Variants in SCTR observed in about 807,000 individuals in gnomAD.
The protein encoded by SCTR is pancreatic secretin receptor.
In SCTR, 56 loss-of-function variants were observed where a neutral mutation model predicts 60.8. That is an observed-to-expected ratio of 0.92 (90% CI 0.74 to 1.15). The LOEUF (loss-of-function observed/expected upper bound fraction) is 1.15, where lower values mean the gene tolerates loss of function less well. Among genes scored for constraint, SCTR ranks in the 50% most tolerant of loss-of-function variants. SCTR has a pLI of 0.00. For missense variants in SCTR, 562 were observed against 550.4 expected (o/e 1.02, Z -0.21); for synonymous variants, 202 against 217.0 (o/e 0.93, Z 0.61).
intron 1 of SCTR, among the ~76,000 whole-genome samples, chr2:119,520,666 A>G (rs1679260188): frequency 6.6e-6 from 1 of 152,204 alleles, no homozygotes. Context: ...TTAGCCATCA[A>G]CTGAGGAGGG....
intron 1 of SCTR, among the ~76,000 whole-genome samples, chr2:119,497,311 A>T (rs1042165257): frequency 6.6e-6 from 1 of 152,162 alleles, no homozygotes; most frequent in East Asian, 1.9e-4. Context: ...TCACCTGGTC[A>T]TAAGAAGGGA....
chr2:119,493,149 A>G (rs774160283), intron 2 of SCTR, among the ~76,000 whole-genome samples: 85 of 152,228 alleles, frequency 5.6e-4, no homozygotes, highest in Non-Finnish European at 6.8e-4. Flanking sequence ...GAGCCACTGC[A>G]CCCAGCCACA....
At chr2:119,470,437 G>C (rs917953570) in intron 4 of SCTR, among the ~76,000 whole-genome samples, 1 of 151,984 alleles carries the variant, frequency 6.6e-6, no homozygotes, top group African/African-American at 2.4e-5. Context: ...TGAATCACGT[G>C]GTCAGGAAAC....
chr2:119,513,408 A>G (rs1679017527), intron 1 of SCTR, among the ~76,000 whole-genome samples: 1 of 152,226 alleles, frequency 6.6e-6, no homozygotes, highest in Non-Finnish European at 1.5e-5. Context: ...CATATTTAAA[A>G]AAATTCCTCA....
chr2:119,512,265 C>G (rs1678972920), intron 1 of SCTR, among the ~76,000 whole-genome samples: 1 of 151,898 alleles, frequency 6.6e-6, no homozygotes, highest in Non-Finnish European at 1.5e-5. Flanking sequence ...TCTTTCTCTA[C>G]TATTCTACCA....
At position 119,521,149 on chromosome 2, in the gene SCTR, C is replaced by T. The variant is rs143368016; in HGVS notation, c.72+3006G>A. 5.3e-3 allele frequency among the ~76,000 whole-genome samples: 814 copies of T among 152,306 alleles called. 14 individuals are homozygous for T. Among genetic ancestry groups the T allele is most frequent in the African/African-American group, 0.019 (785 of 41,568 alleles). On this transcript the variant is annotated intron_variant, in intron 1 of 12. Transcript: ENST00000019103. ...GCTTGAAGGAAAAACCAGCCCCACA[C>T]ACCTCACTTAACTCACTAAGGTTAA...
intron 5 of SCTR, among the ~76,000 whole-genome samples, chr2:119,465,129 T>C (rs1253649542): frequency 6.6e-6 from 1 of 152,184 alleles, no homozygotes; most frequent in Non-Finnish European, 1.5e-5. Flanking sequence ...TCGCTGTCCA[T>C]AGTGATTGGC....
chr2:119,491,438 G>C (rs566027809), intron 2 of SCTR, among the ~76,000 whole-genome samples: 17 of 152,282 alleles, frequency 1.1e-4, no homozygotes, highest in Middle Eastern at 6.8e-3. Flanking sequence ...GAAGCCTCCT[G>C]ATTAGACACT....
intron 5 of SCTR, among the ~76,000 whole-genome samples, chr2:119,465,452 T>A (rs1448947878): frequency 5.9e-5 from 9 of 152,218 alleles, no homozygotes; most frequent in Admixed American, 5.9e-4. Context: ...TTTCTTATGC[T>A]GTTTCGAGGT....
intron 4 of SCTR, among the ~76,000 whole-genome samples, chr2:119,470,663 G>A (rs1008675258): frequency 6.6e-6 from 1 of 152,070 alleles, no homozygotes. Context: ...TCCATTATTC[G>A]TACTGATTAG....
At chr2:119,490,423 C>T (rs902509381) in intron 2 of SCTR, among the ~76,000 whole-genome samples, 22 of 152,344 alleles carry the variant, frequency 1.4e-4, no homozygotes, top group African/African-American at 5.3e-4. Flanking sequence ...TCCCTTCCCG[C>T]TCCTGCACTC....
intron 1 of SCTR, among the ~76,000 whole-genome samples, chr2:119,516,168 A>G (rs956697688): frequency 1.2e-4 from 19 of 152,236 alleles, no homozygotes; most frequent in Non-Finnish European, 1.2e-4. Context: ...GCTTCCTCAA[A>G]AAAATTCAAA....
intron 1 of SCTR, among the ~76,000 whole-genome samples, chr2:119,506,758 G>A (rs1327068110): frequency 3.3e-5 from 5 of 152,054 alleles, no homozygotes; most frequent in Non-Finnish European, 5.9e-5. Flanking sequence ...TTACAGACAC[G>A]AGCCACCATG....
In SCTR at chr2:119,485,544, G is replaced by T. The variant is rs184884678; in HGVS notation, c.194-6626C>A. 3.7e-4 allele frequency among the ~76,000 whole-genome samples: 56 copies of T among 152,318 alleles called. 2 individuals carry two copies. Among genetic ancestry groups the T allele is most frequent in the African/African-American group, 1.3e-3 (54 of 41,588 alleles). ...AGCTCAGATGGCCTGATAAAAACCT[G>T]GGACTATTTCTGGAGCAATGTGTCA... On this transcript the variant is annotated intron_variant, in intron 2 of 12. Transcript: ENST00000019103.
intron 1 of SCTR, among the ~76,000 whole-genome samples, chr2:119,507,438 C>T (rs1465438420): frequency 1.3e-5 from 2 of 152,114 alleles, no homozygotes; most frequent in African/African-American, 4.8e-5. Flanking sequence ...TGTAGCCCTG[C>T]TATCACTAAG....
rs981055431 is a variant in SCTR, at chr2:119,441,534, C to G, written c.1182+24G>C. ...CAATGGCTAGGAGCTCTCCTGGGTA[C>G]CTGGGTGACCCAAGACTACTCACCT... On this transcript the variant is annotated intron_variant, in intron 12 of 12. Coordinates refer to ENST00000019103, the MANE Select transcript of SCTR (RefSeq NM_002980.3). 7.5e-6 allele frequency: 12 copies of G among 1,598,738 alleles called. No homozygotes were observed. In the Admixed American group the frequency reaches 1.3e-4, roughly 18 times the overall value.
At chr2:119,446,258 T>A (rs540572295) in intron 11 of SCTR, among the ~76,000 whole-genome samples, 1 of 152,184 alleles carries the variant, frequency 6.6e-6, no homozygotes. Context: ...CACATGCGAC[T>A]GCTCCTTGAA....
chr2:119,451,091 GGCA>G (rs1422464189), intron 9 of SCTR, among the ~76,000 whole-genome samples: 1 of 152,222 alleles, frequency 6.6e-6, no homozygotes, highest in East Asian at 1.9e-4. Flanking sequence ...ATGCCACCCA[GGCA>G]GCTACTGGAA....
chr2:119,481,712 G>A (rs1677613359), intron 2 of SCTR, among the ~76,000 whole-genome samples: 1 of 152,220 alleles, frequency 6.6e-6, no homozygotes, highest in African/African-American at 2.4e-5. Context: ...AGAGAGCCCA[G>A]GAGAGCACGC....
Sources: allele counts gnomAD v4.1 joint callset (sites outside exome capture counted in the v4.1 genomes callset), GRCh38; gene constraint gnomAD v4.1.1; transcripts MANE v1.5; gene names NCBI Gene and HGNC (gene_info 2026-07-23, HGNC 2026-07-21).